UGT1A3: variants seen among roughly 807,000 people sequenced by gnomAD.
UGT1A3 encodes the protein UDP glucuronosyltransferase family 1 member A3.
Under a neutral mutation model 41.0 loss-of-function variants are expected in UGT1A3, and 31 were observed. The observed-to-expected ratio is 0.76, with a 90% confidence interval of 0.57 to 1.02. The LOEUF (loss-of-function observed/expected upper bound fraction) is 1.02. Ranked by LOEUF, UGT1A3 falls within the 50% of genes least tolerant of loss-of-function variation. The pLI is 0.00. For missense variants in UGT1A3, 737 were observed against 671.0 expected, an observed-to-expected ratio of 1.10 and a Z score of -1.09; for synonymous variants, 262 against 257.6, an observed-to-expected ratio of 1.02 and a Z score of -0.17.
intron 1 of UGT1A3, among the ~76,000 whole-genome samples, chr2:233,766,091 G>A (rs558812390): frequency 4.6e-5 from 7 of 152,254 alleles, no homozygotes; most frequent in African/African-American, 1.7e-4. Flanking sequence ...AAGGACAGAG[G>A]GCTTTCTGTA....
rs571818278 is a variant in UGT1A3, at chr2:233,740,159, T to C, written c.867+10166T>C. Among the ~76,000 whole-genome samples, 52 of 151,986 alleles carry C rather than the reference T, an allele frequency of 3.4e-4. 1 individual carries two copies. Among genetic ancestry groups the C allele is most frequent in the African/African-American group, 1.2e-3 (48 of 41,236 alleles). On this transcript the variant is annotated intron_variant, in intron 1 of 4. Coordinates refer to ENST00000482026, the MANE Select transcript of UGT1A3 (RefSeq NM_019093.4). ...TGTAAGTTTCCTGAGGCCTCCCCAG[T>C]CATGTGGAACTGTGAGTCAATTAAA...
chr2:233,759,712 G>A (rs2125976216), intron 1 of UGT1A3, among the ~76,000 whole-genome samples: 1 of 151,632 alleles, frequency 6.6e-6, no homozygotes, highest in African/African-American at 2.4e-5. Flanking sequence ...GCGTGCTCGT[G>A]TGGTGGGCTC....
chr2:233,767,313 T>G, intron 2 of UGT1A3, 148 bp downstream of exon 2: 1 of 1,512,132 alleles, frequency 6.6e-7, no homozygotes, highest in Non-Finnish European at 8.8e-7. Flanking sequence ...AGGTTTTTTT[T>G]GTTGTTGTGG....
intron 4 of UGT1A3, chr2:233,771,063 C>A (rs913473960): frequency 6.6e-6 from 1 of 152,106 alleles, no homozygotes; most frequent in Non-Finnish European, 1.5e-5. Context: ...ATGACCGGCT[C>A]TCACAATAAC....
chr2:233,754,382 C>A, intron 1 of UGT1A3: 2 of 288,814 alleles, frequency 6.9e-6, no homozygotes, highest in Non-Finnish European at 1.4e-5. Flanking sequence ...GAAAGACAAA[C>A]AGAGGTCCTA....
chr2:233,748,442 C>T (rs1311049302), intron 1 of UGT1A3, among the ~76,000 whole-genome samples: 3 of 151,720 alleles, frequency 2.0e-5, no homozygotes, highest in Non-Finnish European at 2.9e-5. Flanking sequence ...TTTGTTTGCA[C>T]AATTTTCAGG....
intron 1 of UGT1A3, chr2:233,760,769 C>A: frequency 3.7e-6 from 6 of 1,614,028 alleles, no homozygotes; most frequent in Non-Finnish European, 5.1e-6. Flanking sequence ...CCCATCGTGG[C>A]CCAGTACCTG....
intron 1 of UGT1A3, among the ~76,000 whole-genome samples, chr2:233,737,983 G>A (rs936193524): frequency 6.6e-6 from 1 of 151,932 alleles, no homozygotes; most frequent in African/African-American, 2.4e-5. Flanking sequence ...ATATGGTTTG[G>A]CTCTGTGTCC....
intron 1 of UGT1A3, among the ~76,000 whole-genome samples, chr2:233,763,113 C>T (rs529760384): frequency 4.9e-4 from 74 of 152,338 alleles, no homozygotes; most frequent in African/African-American, 1.7e-3. Flanking sequence ...ACTTTATCAG[C>T]TGCCTTTCTG....
chr2:233,736,909 G>T (rs1037857066), intron 1 of UGT1A3, among the ~76,000 whole-genome samples: 5 of 152,172 alleles, frequency 3.3e-5, no homozygotes, highest in Non-Finnish European at 1.5e-5. Flanking sequence ...TCCTCTGGAA[G>T]CTTCATACCA....
chr2:233,760,664 G>T, intron 1 of UGT1A3: 3 of 1,614,182 alleles, frequency 1.9e-6, no homozygotes, highest in Non-Finnish European at 2.5e-6. Flanking sequence ...CTTTTGTCTG[G>T]CTGTTCCCAC....
At chr2:233,760,382 T>G (rs1697426202) in intron 1 of UGT1A3, 1 of 1,614,082 alleles carries the variant, frequency 6.2e-7, no homozygotes, top group African/African-American at 1.3e-5. Context: ...AAGATACTGT[T>G]GATCCCAGTG....
chr2:233,761,251 A>C, intron 1 of UGT1A3: 1 of 1,608,190 alleles, frequency 6.2e-7, no homozygotes. Flanking sequence ...AAGCATTCTG[A>C]GATAATTTAA....
intron 1 of UGT1A3, among the ~76,000 whole-genome samples, chr2:233,757,541 T>TATACATATACATAC (rs1229454769): frequency 8.5e-6 from 1 of 117,592 alleles, no homozygotes; most frequent in Admixed American, 8.1e-5. Context: ...AAGGAATATA[T>TATACATATACATAC]ATATATATAT....
intron 1 of UGT1A3, among the ~76,000 whole-genome samples, chr2:233,734,792 AG>A (rs1191669872): frequency 1.3e-5 from 2 of 152,190 alleles, no homozygotes; most frequent in African/African-American, 4.8e-5. Context: ...ATTCAGGAGC[AG>A]GTTGTTCAGT....
rs1409384005 is a variant in UGT1A3 at position 233,735,868 on chromosome 2, C to T, written c.867+5875C>T. ...TCTCTTCTGTCTTGTAGGGTTTCTG[C>T]AGAGAGATCTGCTGTTAGTCTGATG... On this transcript the variant is annotated intron_variant, in intron 1 of 4. Transcript: ENST00000482026. Among the ~76,000 whole-genome samples, 5 of 152,262 alleles carry T rather than the reference C, an allele frequency of 3.3e-5. No homozygotes were observed. The East Asian group carries it at 7.7e-4, about 23-fold the overall frequency.
Position 233,767,315 on chromosome 2 carries a change from T to C in UGT1A3, c.999+150T>C, listed in dbSNP as rs1407711365. 9 of 1,492,214 alleles carry C rather than the reference T, an allele frequency of 6.0e-6. No individual in the cohort carries two copies. The East Asian group carries it at 1.9e-4, about 32-fold the overall frequency. The allele number at this position is 1,492,214 out of a possible 1,614,324, so 92.4% of individuals were successfully genotyped here. A position where few individuals can be genotyped will look rare whatever the true frequency, so the allele number is the denominator to read the frequency against. The stretch of plus-strand genomic sequence containing the variant: ...ACTATTAATCCAAAGGTTTTTTTTG[T>C]TGTTGTGGTTGTTGTCATTGTTTTC... On this transcript the variant is annotated intron_variant, in intron 2 of 4. Coordinates refer to ENST00000482026, the MANE Select transcript of UGT1A3 (RefSeq NM_019093.4).
At chr2:233,759,130 A>T (rs1697062304) in intron 1 of UGT1A3, among the ~76,000 whole-genome samples, 1 of 152,244 alleles carries the variant, frequency 6.6e-6, no homozygotes, top group Non-Finnish European at 1.5e-5. Flanking sequence ...AGCCTCTGGT[A>T]CGCAATGAAG....
intron 3 of UGT1A3, 27 bp downstream of exon 3, chr2:233,767,963 G>A: frequency 1.2e-6 from 2 of 1,614,136 alleles, no homozygotes; most frequent in Non-Finnish European, 1.7e-6. Context: ...GGATGTATAG[G>A]TCAAACCAGG....
Sources: gnomAD v4.1 joint callset for allele counts (sites outside exome capture counted in the v4.1 genomes callset) on GRCh38, gnomAD v4.1.1 for gene constraint, MANE v1.5 for transcripts, NCBI Gene and HGNC (gene_info 2026-07-23, HGNC 2026-07-21) for gene names.